ABLIM2: variants seen among roughly 807,000 people sequenced by gnomAD.
The protein encoded by ABLIM2 is actin binding LIM protein family member 2, also known as actin-binding LIM protein 2.
ABLIM2 carries 53 observed loss-of-function variants against 97.7 expected under a neutral mutation model. That is an observed-to-expected ratio of 0.54 (90% CI 0.44 to 0.68). The LOEUF is 0.68. Ranked by LOEUF, ABLIM2 falls within the 30% of genes least tolerant of loss-of-function variation. The pLI, the probability that ABLIM2 is intolerant of heterozygous loss-of-function variation, is 0.00. For missense variants in ABLIM2, 835 were observed against 867.2 expected (o/e 0.96, Z 0.47); for synonymous variants, 361 against 345.8 (o/e 1.04, Z -0.49).
chr4:8,100,277 A>G (rs544519266), intron 2 of ABLIM2, among the ~76,000 whole-genome samples: 1 of 152,146 alleles, frequency 6.6e-6, no homozygotes, highest in Non-Finnish European at 1.5e-5. Flanking sequence ...GGTACAGTAA[A>G]ATGTTGTAAA....
At chr4:7,990,328 C>T (rs1747692209) in intron 17 of ABLIM2, among the ~76,000 whole-genome samples, 1 of 152,130 alleles carries the variant, frequency 6.6e-6, no homozygotes, top group Non-Finnish European at 1.5e-5. Context: ...TCCCGAGTGG[C>T]TGGGACTATA....
At chr4:8,091,437 A>ATATGTAATATATAATTATAT (rs1561328358) in intron 3 of ABLIM2, among the ~76,000 whole-genome samples, 2 of 37,308 alleles carry the variant, frequency 5.4e-5, no homozygotes, top group African/African-American at 9.3e-5. Flanking sequence ...ATATATAATT[A>ATATGTAATATATAATTATAT]ATTATGTATT....
At chr4:8,025,863 G>A (rs1407294357) in intron 12 of ABLIM2, among the ~76,000 whole-genome samples, 1 of 152,166 alleles carries the variant, frequency 6.6e-6, no homozygotes, top group African/African-American at 2.4e-5. Flanking sequence ...ATCTCCTTGG[G>A]TGCCCTGCCG....
chr4:8,024,927 CTTTT>C (rs1463716906), intron 12 of ABLIM2, among the ~76,000 whole-genome samples: 2 of 152,114 alleles, frequency 1.3e-5, no homozygotes, highest in Non-Finnish European at 2.9e-5. Flanking sequence ...TTTGTGATTT[CTTTT>C]TTCTCTTTTT....
Position 7,967,021 on chromosome 4 carries a change from T to C in ABLIM2, c.1907A>G (p.Asn636Ser). The change falls in exon 21 of 21, where the codon AAT becomes AGT. Residue 636 changes from asparagine to serine, a missense_variant. By Grantham distance (46) the Asn-to-Ser change is conservative. Transcript: ENST00000447017. ...EFDRLALWKR[N>S]DLKKKALLF Reference sequence around the variant, plus strand: ...CAAAAGGGCTTTCTTCTTAAGGTCATTCCTCTTCCAGAGGGCCAGGCGGTC... The same window carrying C: ...CAAAAGGGCTTTCTTCTTAAGGTCACTCCTCTTCCAGAGGGCCAGGCGGTC... 1 of 1,613,768 alleles carries C rather than the reference T, an allele frequency of 6.2e-7. No individual in the cohort carries two copies. The highest frequency in any genetic ancestry group is 8.5e-7 in the Non-Finnish European group (1 of 1,179,922).
At chr4:8,137,849 A>G (rs1850403065) in intron 1 of ABLIM2, among the ~76,000 whole-genome samples, 1 of 152,194 alleles carries the variant, frequency 6.6e-6, no homozygotes, top group Non-Finnish European at 1.5e-5. Context: ...CAGGCTCCCT[A>G]GGAGATACCT....
In ABLIM2 at chr4:8,087,608, G is replaced by A. The variant is rs1355529327; in HGVS notation, c.454+561C>T. ...GAGGGGAGTGAATGCCAGAGGGAGA[G>A]GACCTGAAGGAGACCTGGAAGGCTT... is the stretch of plus-strand genomic sequence containing the variant. On this transcript the variant is annotated intron_variant, in intron 4 of 20. Coordinates refer to ENST00000447017, the MANE Select transcript of ABLIM2 (RefSeq NM_001130083.2). The surrounding 1 kb of genome is among the most constrained non-coding windows in gnomAD (Gnocchi z 4.6). Among the ~76,000 whole-genome samples the A allele has an allele frequency of 6.6e-6, 1 of 152,222 alleles. No individual in the cohort carries two copies. The highest frequency in any genetic ancestry group is 1.5e-5 in the Non-Finnish European group (1 of 68,044).
At chr4:8,099,850 A>C (rs1198717494) in intron 2 of ABLIM2, among the ~76,000 whole-genome samples, 6 of 152,210 alleles carry the variant, frequency 3.9e-5, no homozygotes, top group Non-Finnish European at 8.8e-5. Context: ...ATCTCAAAAC[A>C]AAAAACAAAA....
chr4:8,016,806 G>A (rs1259061764), intron 14 of ABLIM2, among the ~76,000 whole-genome samples: 1 of 152,190 alleles, frequency 6.6e-6, no homozygotes, highest in African/African-American at 2.4e-5. Flanking sequence ...CCAATGAACG[G>A]ACGCCAGCTC....
intron 6 of ABLIM2, among the ~76,000 whole-genome samples, chr4:8,073,231 G>A (rs1035392966): frequency 2.6e-5 from 4 of 151,508 alleles, no homozygotes; most frequent in Non-Finnish European, 5.9e-5. Context: ...GGTGGTGTGC[G>A]GGAAGCAGCA....
intron 1 of ABLIM2, among the ~76,000 whole-genome samples, chr4:8,114,688 CAGGT>C (rs1842044977): frequency 6.6e-6 from 1 of 152,326 alleles, no homozygotes; most frequent in South Asian, 2.1e-4. Flanking sequence ...GGGAGCTCTG[CAGGT>C]CCAGACAGGG....
rs1371956602 is a variant in ABLIM2, at chr4:8,082,454, G to T, written c.455-1652C>A. 6.6e-6 allele frequency among the ~76,000 whole-genome samples: 1 copy of T among 152,212 alleles called. No homozygotes were observed. Among genetic ancestry groups the T allele is most frequent in the African/African-American group, 2.4e-5 (1 of 41,434 alleles). On this transcript the variant is annotated intron_variant, in intron 4 of 20. Transcript: ENST00000447017. This position sits in a 1 kb window ranked among gnomAD's most constrained non-coding sequence, Gnocchi z 5.6. ...TGAGCATCGGCGAGACCCCCTGTGG[G>T]CCTGCTGTGCGGTGAGAGCTCAGCA... is the stretch of plus-strand genomic sequence containing the variant.
intron 1 of ABLIM2, among the ~76,000 whole-genome samples, chr4:8,156,925 C>T (rs545377920): frequency 4.6e-5 from 7 of 152,308 alleles, no homozygotes; most frequent in East Asian, 3.9e-4. Flanking sequence ...ACAGGTGGCC[C>T]GGAGAGCACA....
intron 20 of ABLIM2, among the ~76,000 whole-genome samples, chr4:7,976,944 CATACATACACACAGTCACGTGT>C (rs1260975832): frequency 6.6e-6 from 1 of 152,064 alleles, no homozygotes; most frequent in South Asian, 2.1e-4. Context: ...TATCCACATA[CATACATACACACAGTCACGTGT>C]ATACACACAC....
At chr4:7,997,540 T>C (rs1754134197) in intron 16 of ABLIM2, among the ~76,000 whole-genome samples, 2 of 152,224 alleles carry the variant, frequency 1.3e-5, no homozygotes, top group South Asian at 4.1e-4. Context: ...AGTTCATGGA[T>C]TCTCTCCTGT....
intron 17 of ABLIM2, among the ~76,000 whole-genome samples, chr4:7,987,102 G>C (rs1744835588): frequency 6.6e-6 from 1 of 152,120 alleles, no homozygotes; most frequent in African/African-American, 2.4e-5. Context: ...TCAGCCTTCT[G>C]GGTAGGTGGG....
chr4:7,982,729 G>A (rs1165782204), intron 20 of ABLIM2, among the ~76,000 whole-genome samples: 2 of 151,886 alleles, frequency 1.3e-5, no homozygotes, highest in African/African-American at 4.8e-5. Context: ...TATTTGAGAT[G>A]GAGTCTCTCT....
At position 8,140,844 on chromosome 4, in the gene ABLIM2, T is replaced by A. The variant is rs112895753; in HGVS notation, c.10+17836A>T. On this transcript the variant is annotated intron_variant, in intron 1 of 20. Coordinates refer to ENST00000447017, the MANE Select transcript of ABLIM2 (RefSeq NM_001130083.2). The surrounding 1 kb of genome is among the most constrained non-coding windows in gnomAD (Gnocchi z 5.9). The stretch of plus-strand genomic sequence containing the variant: ...GTGGGGTTCAGGGCAGGGAGGTGGC[T>A]GCCAAGAAGAGCTATGAAGAATTAG... Among the ~76,000 whole-genome samples the A allele has an allele frequency of 1.3e-5, 2 of 151,842 alleles. No individual in the cohort carries two copies. Among genetic ancestry groups the A allele is most frequent in the Admixed American group, 6.6e-5 (1 of 15,262 alleles).
At chr4:8,106,439 G>A (rs903528466) in intron 2 of ABLIM2, 55 bp downstream of exon 2, 22 of 1,557,260 alleles carry the variant, frequency 1.4e-5, no homozygotes, top group Middle Eastern at 1.7e-4. Context: ...GCCCAGGATC[G>A]CCGCTGGGAG....
Sources: gnomAD v4.1 joint callset for allele counts (sites outside exome capture counted in the v4.1 genomes callset) on GRCh38, gnomAD v4.1.1 for gene constraint, Gnocchi (gnomAD v3.1) non-coding constraint, MANE v1.5 for transcripts, NCBI Gene and HGNC (gene_info 2026-07-23, HGNC 2026-07-21) for gene names.